F13A1: variants seen among roughly 807,000 people sequenced by gnomAD.
F13A1 encodes the protein FSF, A subunit.
Under a neutral mutation model 80.1 loss-of-function variants are expected in F13A1, and 47 were observed. The ratio of observed to expected loss-of-function variants is 0.59; its 90% confidence interval spans 0.46 to 0.75. The LOEUF (loss-of-function observed/expected upper bound fraction) is 0.75, where lower values mean the gene tolerates loss of function less well. Ranked by LOEUF, F13A1 falls within the 30% of genes least tolerant of loss-of-function variation. The probability of loss-of-function intolerance (pLI) is 0.00; values close to 1 mark genes in which losing one functional copy is unlikely to be tolerated. For synonymous variants in F13A1, 349 were observed against 344.9 expected (o/e 1.01, Z -0.13); for missense variants, 817 against 930.4 (o/e 0.88, Z 1.59).
At chr6:6,146,311 A>C (rs1243695440) in intron 14 of F13A1, among the ~76,000 whole-genome samples, 1 of 152,150 alleles carries the variant, frequency 6.6e-6, no homozygotes, top group African/African-American at 2.4e-5. Context: ...TTTGACTTTG[A>C]GAATCTTCAT....
chr6:6,211,796 A>G (rs1279738232), intron 8 of F13A1, among the ~76,000 whole-genome samples: 2 of 152,346 alleles, frequency 1.3e-5, no homozygotes, highest in Admixed American at 6.5e-5. Flanking sequence ...AGTGCCAGAC[A>G]GTGGGCGCAG....
At chr6:6,181,512 C>A (rs1417713990) in intron 11 of F13A1, among the ~76,000 whole-genome samples, 2 of 152,162 alleles carry the variant, frequency 1.3e-5, no homozygotes, top group African/African-American at 4.8e-5. Flanking sequence ...AGAGAGATTG[C>A]ATTGTCCTAT....
intron 8 of F13A1, among the ~76,000 whole-genome samples, chr6:6,200,357 A>G (rs370687585): frequency 4.6e-5 from 7 of 152,088 alleles, no homozygotes; most frequent in African/African-American, 1.7e-4. Context: ...GCTTGAGCCC[A>G]GGAGTTTGAG....
At chr6:6,210,753 TCTCA>T in intron 8 of F13A1, among the ~76,000 whole-genome samples, 1 of 152,058 alleles carries the variant, frequency 6.6e-6, no homozygotes, top group East Asian at 1.9e-4. Flanking sequence ...TGAGACCAAG[TCTCA>T]CTCTGTCACC....
intron 3 of F13A1, among the ~76,000 whole-genome samples, chr6:6,286,379 C>G (rs1240581529): frequency 6.6e-6 from 1 of 152,164 alleles, no homozygotes; most frequent in Non-Finnish European, 1.5e-5. Context: ...GAGCAAGAGT[C>G]TGTCTCAAAA....
chr6:6,301,551 G>A (rs997565755), intron 3 of F13A1, among the ~76,000 whole-genome samples: 3 of 152,066 alleles, frequency 2.0e-5, no homozygotes, highest in Admixed American at 6.6e-5. Context: ...AATACATGTT[G>A]GTTTAAAAAT....
chr6:6,240,473 G>A (rs1055223156), intron 6 of F13A1, among the ~76,000 whole-genome samples: 3 of 152,130 alleles, frequency 2.0e-5, no homozygotes, highest in Non-Finnish European at 4.4e-5. Context: ...AGGACAGACA[G>A]AGGACAAATC....
chr6:6,166,590 G>A (rs1390693945), intron 13 of F13A1, among the ~76,000 whole-genome samples: 3 of 152,164 alleles, frequency 2.0e-5, no homozygotes, highest in Non-Finnish European at 2.9e-5. Flanking sequence ...CACTCCTCAG[G>A]GTCACTGCCA....
chr6:6,167,732 C>T, intron 12 of F13A1, 114 bp from the exon 13 acceptor site: 1 of 1,198,488 alleles, frequency 8.3e-7, no homozygotes, highest in Non-Finnish European at 1.2e-6. Flanking sequence ...ACCAGGAACA[C>T]AGCAAAGGTA....
rs145528344 is a variant in F13A1, at chr6:6,279,673, C to T, written c.320-12864G>A. ...GAATCTCCTACAGCAACTGAATTTCCCCCAGCAAATGGCAAGTCTATGGAG... is the reference window on the plus strand; with the variant it reads ...GAATCTCCTACAGCAACTGAATTTCTCCCAGCAAATGGCAAGTCTATGGAG... On this transcript the variant is annotated intron_variant, in intron 3 of 14. Transcript: ENST00000264870. Among the ~76,000 whole-genome samples, 788 of 152,248 alleles carry T rather than the reference C, an allele frequency of 5.2e-3. 7 individuals carry two copies. The highest frequency in any genetic ancestry group is 0.018 in the African/African-American group (750 of 41,532).
Position 6,278,564 on chromosome 6 carries a change from G to T in F13A1, c.320-11755C>A, listed in dbSNP as rs137980574. ...GGAGGTATGATGCCTGGGGCAGAGG[G>T]AATTGTGGGAGATTAGGTGCCTGAG... On this transcript the variant is annotated intron_variant, in intron 3 of 14. Coordinates refer to ENST00000264870, the MANE Select transcript of F13A1 (RefSeq NM_000129.4). Among the ~76,000 whole-genome samples the T allele has an allele frequency of 3.9e-3, 592 of 152,214 alleles. 12 individuals are homozygous for T. In the East Asian group the frequency reaches 0.045, roughly 11 times the overall value.
intron 4 of F13A1, among the ~76,000 whole-genome samples, chr6:6,263,584 G>T (rs1241727610): frequency 6.6e-6 from 1 of 152,188 alleles, no homozygotes; most frequent in Non-Finnish European, 1.5e-5. Flanking sequence ...GTCTAGCTCA[G>T]CCATCTCCTT....
chr6:6,279,426 C>T (rs769197318), intron 3 of F13A1, among the ~76,000 whole-genome samples: 2 of 152,146 alleles, frequency 1.3e-5, no homozygotes, highest in Non-Finnish European at 2.9e-5. Flanking sequence ...CATCTGACCC[C>T]AACTGTTATG....
intron 6 of F13A1, among the ~76,000 whole-genome samples, chr6:6,230,186 A>G (rs756651603): frequency 2.0e-5 from 3 of 152,148 alleles, no homozygotes; most frequent in Non-Finnish European, 4.4e-5. Flanking sequence ...GGAGGTGGGT[A>G]GACCGGGTCA....
intron 11 of F13A1, 51 bp from the exon 12 acceptor site, chr6:6,174,918 G>A (rs1760854481): frequency 1.9e-6 from 3 of 1,608,674 alleles, no homozygotes; most frequent in Non-Finnish European, 2.6e-6. Context: ...CCACCAGAGA[G>A]AAAGTCACAT....
At chr6:6,154,808 T>C in intron 13 of F13A1, among the ~76,000 whole-genome samples, 1 of 152,242 alleles carries the variant, frequency 6.6e-6, no homozygotes, top group Non-Finnish European at 1.5e-5. Flanking sequence ...ATTTAAAAAA[T>C]ACAAAATAAA....
intron 8 of F13A1, among the ~76,000 whole-genome samples, chr6:6,220,183 G>A (rs773135047): frequency 4.6e-5 from 7 of 152,156 alleles, no homozygotes; most frequent in Non-Finnish European, 7.4e-5. Context: ...GGCATCATGC[G>A]TTGAAAACCT....
chr6:6,156,505 A>T (rs1051143177), intron 13 of F13A1, among the ~76,000 whole-genome samples: 2 of 152,246 alleles, frequency 1.3e-5, no homozygotes, highest in African/African-American at 4.8e-5. Context: ...CACACCTAAC[A>T]GCTCTTATTT....
intron 6 of F13A1, among the ~76,000 whole-genome samples, chr6:6,240,908 T>A (rs1410168612): frequency 6.6e-6 from 1 of 152,282 alleles, no homozygotes; most frequent in South Asian, 2.1e-4. Flanking sequence ...TTAACTTTAA[T>A]GGTTTTCTAA....
Sources: allele counts gnomAD v4.1 joint callset (sites outside exome capture counted in the v4.1 genomes callset), GRCh38; gene constraint gnomAD v4.1.1; transcripts MANE v1.5; gene names NCBI Gene and HGNC (gene_info 2026-07-23, HGNC 2026-07-21).